The following ZFYVE28 variants were observed in gnomAD, a reference collection of about 807,000 sequenced individuals.
ZFYVE28 encodes lateral signaling target protein 2 homolog.
A neutral mutation model predicts 82.1 loss-of-function variants in ZFYVE28; 40 were observed. That is an observed-to-expected ratio of 0.49 (90% CI 0.38 to 0.63). The LOEUF (loss-of-function observed/expected upper bound fraction) is 0.63. Among genes scored for constraint, ZFYVE28 ranks in the 30% least tolerant of loss-of-function variants. ZFYVE28 has a pLI of 0.00. For synonymous variants in ZFYVE28, 612 were observed against 546.1 expected (o/e 1.12, Z -1.68); for missense variants, 1,321 against 1,242.1 (o/e 1.06, Z -0.96).
chr4:2,339,535 G>A lies in ZFYVE28; in HGVS notation c.439C>T (p.Leu147=), dbSNP rs1043836914. ...DVRGALRDQA[L]RDLNTYTEKM... ...TCTGTGTAGGTGTTCAGGTCCCGCA[G>A]CGCCTGGTCACGGAGGGCGCCCCGC... The change falls in exon 4 of 13, where the codon CTG becomes TTG. Residue 147 remains leucine (L), a synonymous_variant. Transcript: ENST00000290974. This position sits in a 1 kb window ranked among gnomAD's most constrained non-coding sequence, Gnocchi z 5.0. 8 of 1,613,716 alleles carry A rather than the reference G, an allele frequency of 5.0e-6. No individual in the cohort carries two copies. The highest frequency in any genetic ancestry group is 6.8e-6 in the Non-Finnish European group (8 of 1,179,948).
intron 2 of ZFYVE28, among the ~76,000 whole-genome samples, chr4:2,342,028 G>A (rs1284596021): frequency 2.0e-5 from 3 of 152,174 alleles, no homozygotes; most frequent in Admixed American, 6.5e-5. Context: ...AGGAGCCATG[G>A]GCTCAGACGG....
chr4:2,284,450 A>T (rs1325931545), intron 8 of ZFYVE28, among the ~76,000 whole-genome samples: 1 of 152,186 alleles, frequency 6.6e-6, no homozygotes, highest in Non-Finnish European at 1.5e-5. Context: ...TGGACAACCC[A>T]GCTTTCAGAG....
At chr4:2,405,187 G>A (rs764330191) in intron 1 of ZFYVE28, among the ~76,000 whole-genome samples, 31 of 152,138 alleles carry the variant, frequency 2.0e-4, no homozygotes, top group African/African-American at 4.8e-4. Context: ...CGGACAAAGC[G>A]GTGCTGGGCC....
At chr4:2,327,454 G>C (rs923925253) in intron 6 of ZFYVE28, among the ~76,000 whole-genome samples, 5 of 151,486 alleles carry the variant, frequency 3.3e-5, no homozygotes, top group African/African-American at 9.7e-5. Flanking sequence ...TCCTTGCCTT[G>C]TTCCATATCT....
At chr4:2,326,703 TTTCA>T (rs1719891868) in intron 6 of ZFYVE28, among the ~76,000 whole-genome samples, 1 of 152,248 alleles carries the variant, frequency 6.6e-6, no homozygotes, top group African/African-American at 2.4e-5. Context: ...CTTGAATTGA[TTTCA>T]TTGATGTTTT....
chr4:2,418,471 C>G lies in ZFYVE28; in HGVS notation c.-148G>C, dbSNP rs1733377020. The G allele has an allele frequency of 1.8e-6, 1 of 543,604 alleles. No individual in the cohort carries two copies. The highest frequency in any genetic ancestry group is 1.3e-4 in the East Asian group (1 of 7,950). The allele number at this position is 543,604 out of a possible 1,614,324, so 33.7% of individuals were successfully genotyped here. A position where few individuals can be genotyped will look rare whatever the true frequency, so the allele number is the denominator to read the frequency against. On this transcript the variant is annotated 5_prime_UTR_variant, in exon 1 of 13. Coordinates refer to ENST00000290974, the MANE Select transcript of ZFYVE28 (RefSeq NM_020972.3). This position sits in a 1 kb window ranked among gnomAD's most constrained non-coding sequence, Gnocchi z 4.6. ...GGCTGGCTAGCGAAGCCCGGAGCGCCGAGCGGGCGGCGGGCAGGTGCGCGG... is the reference window on the plus strand; with the variant it reads ...GGCTGGCTAGCGAAGCCCGGAGCGCGGAGCGGGCGGCGGGCAGGTGCGCGG...
intron 1 of ZFYVE28, among the ~76,000 whole-genome samples, chr4:2,403,109 T>G (rs919879876): frequency 6.6e-6 from 1 of 152,266 alleles, no homozygotes; most frequent in Non-Finnish European, 1.5e-5. Flanking sequence ...GGCCGCCTGA[T>G]GACCCCTCTG....
At chr4:2,330,968 G>C in intron 6 of ZFYVE28, 2 of 1,535,210 alleles carry the variant, frequency 1.3e-6, no homozygotes, top group Middle Eastern at 3.3e-4. Flanking sequence ...GAGGGCCCCT[G>C]AAGAGGATCC....
rs896889193 is a variant in ZFYVE28, at chr4:2,418,464, G to C, written c.-141C>G. ...GCAGGGAGGCTGGCTAGCGAAGCCC[G>C]GAGCGCCGAGCGGGCGGCGGGCAGG... On this transcript the variant is annotated 5_prime_UTR_variant, in exon 1 of 13. Coordinates refer to ENST00000290974, the MANE Select transcript of ZFYVE28 (RefSeq NM_020972.3). This position sits in a 1 kb window ranked among gnomAD's most constrained non-coding sequence, Gnocchi z 4.6. 1.7e-6 allele frequency: 1 copy of C among 600,066 alleles called. No homozygotes were observed. Among genetic ancestry groups the C allele is most frequent in the Admixed American group, 5.9e-5 (1 of 16,830 alleles). The allele number at this position is 600,066 out of a possible 1,614,324, so 37.2% of individuals were successfully genotyped here.
At chr4:2,323,785 T>C (rs1578089589) in intron 6 of ZFYVE28, among the ~76,000 whole-genome samples, 1 of 147,134 alleles carries the variant, frequency 6.8e-6, no homozygotes, top group Admixed American at 7.0e-5. Flanking sequence ...TGAGTGAGAA[T>C]ATGCGGTGTT....
intron 1 of ZFYVE28, among the ~76,000 whole-genome samples, chr4:2,366,943 G>A (rs1726957435): frequency 2.6e-5 from 4 of 152,230 alleles, no homozygotes; most frequent in South Asian, 2.1e-4. Context: ...ACGCAAAGCT[G>A]GGAGATAATT....
At chr4:2,381,114 C>T (rs1485736413) in intron 1 of ZFYVE28, among the ~76,000 whole-genome samples, 1 of 152,152 alleles carries the variant, frequency 6.6e-6, no homozygotes, top group East Asian at 1.9e-4. Flanking sequence ...CTGATAGCAA[C>T]ATGGACAATA....
chr4:2,383,244 G>A (rs1254981613), intron 1 of ZFYVE28, among the ~76,000 whole-genome samples: 2 of 152,120 alleles, frequency 1.3e-5, no homozygotes, highest in Non-Finnish European at 2.9e-5. Flanking sequence ...CATGTTGTGG[G>A]AGGGACCTGG....
intron 1 of ZFYVE28, among the ~76,000 whole-genome samples, chr4:2,381,127 G>A (rs1728690766): frequency 2.0e-5 from 3 of 151,826 alleles, no homozygotes; most frequent in African/African-American, 7.2e-5. Context: ...GGACAATAAG[G>A]TCCAGGCTGA....
chr4:2,271,735 A>G lies in ZFYVE28; in HGVS notation c.2368T>C (p.Cys790Arg). 1.2e-6 allele frequency: 2 copies of G among 1,613,894 alleles called. No individual in the cohort carries two copies. The highest frequency in any genetic ancestry group is 1.7e-6 in the Non-Finnish European group (2 of 1,179,988). The change falls in exon 11 of 13, where the codon TGC (cysteine) becomes CGC (arginine). Residue 790 changes from cysteine (C) to arginine (R), a missense_variant. By Grantham distance (180) the Cys-to-Arg change is radical (BLOSUM62 -3). Coordinates refer to ENST00000290974, the MANE Select transcript of ZFYVE28 (RefSeq NM_020972.3). ...TCAGAGGATGACAGGGTCTCCTGGC[A>G]CAGTGCACAGTCCTCCAAGGCCGCA... ...RSAALEDCAL[C>R]QETLSSSELA...
At chr4:2,288,971 T>G (rs57681851) in intron 8 of ZFYVE28, among the ~76,000 whole-genome samples, 7,760 of 151,486 alleles carry the variant, frequency 0.051, 473 homozygotes, top group East Asian at 0.18. Context: ...GCCTCAAAAA[T>G]TAAATTAAAT....
intron 1 of ZFYVE28, among the ~76,000 whole-genome samples, chr4:2,370,429 C>T (rs1177867668): frequency 9.2e-5 from 14 of 152,102 alleles, no homozygotes; most frequent in Non-Finnish European, 2.9e-5. Flanking sequence ...TGCCCTGGGC[C>T]CACACCCCAG....
intron 8 of ZFYVE28, among the ~76,000 whole-genome samples, chr4:2,282,083 CCCTTGTCACTGA>C (rs1473849047): frequency 6.6e-6 from 1 of 152,228 alleles, no homozygotes; most frequent in African/African-American, 2.4e-5. Context: ...AGAGTCTGAA[CCCTTGTCACTGA>C]TGTTCTCAAG....
At chr4:2,361,653 C>T (rs2108893499) in intron 1 of ZFYVE28, among the ~76,000 whole-genome samples, 1 of 152,318 alleles carries the variant, frequency 6.6e-6, no homozygotes, top group African/African-American at 2.4e-5. Context: ...GAGACTGACA[C>T]TCCTGAAGGT....
Sources: allele counts gnomAD v4.1 joint callset (sites outside exome capture counted in the v4.1 genomes callset), GRCh38; gene constraint gnomAD v4.1.1; non-coding constraint Gnocchi (gnomAD v3.1); transcripts MANE v1.5; gene names NCBI Gene and HGNC (gene_info 2026-07-23, HGNC 2026-07-21).